The following PID1 variants were observed in gnomAD, a reference collection of about 807,000 sequenced individuals.
PID1 encodes the protein PTB-containing, cubilin and LRP1-interacting protein.
Under a neutral mutation model 19.1 loss-of-function variants are expected in PID1, and 10 were observed. The observed-to-expected ratio is 0.52, with a 90% CI of 0.32 to 0.89. The LOEUF (loss-of-function observed/expected upper bound fraction) is 0.89. PID1 is among the 40% of genes least tolerant of loss of function. The pLI is 0.03. For synonymous variants in PID1, 130 were observed against 116.0 expected, an observed-to-expected ratio of 1.12 and a Z score of -0.78; for missense variants, 248 against 285.3, an observed-to-expected ratio of 0.87 and a Z score of 0.94.
At chr2:229,210,204 G>A (rs533193779) in intron 1 of PID1, among the ~76,000 whole-genome samples, 1 of 151,552 alleles carries the variant, frequency 6.6e-6, no homozygotes. Context: ...AGGAAGCAAG[G>A]AGGTGACACA....
At chr2:229,224,686 A>G (rs1692041224) in intron 1 of PID1, among the ~76,000 whole-genome samples, 1 of 152,174 alleles carries the variant, frequency 6.6e-6, no homozygotes, top group Non-Finnish European at 1.5e-5. Context: ...TAAAACAGAT[A>G]TTAGTACTCC....
chr2:229,122,093 T>G (rs115354501), intron 2 of PID1, among the ~76,000 whole-genome samples: 3,283 of 152,246 alleles, frequency 0.022, 114 homozygotes, highest in African/African-American at 0.075. Flanking sequence ...CATAAACATC[T>G]TAAGAGAATT....
At chr2:229,053,171 G>A (rs981209254) in intron 2 of PID1, among the ~76,000 whole-genome samples, 16 of 152,142 alleles carry the variant, frequency 1.1e-4, no homozygotes, top group Admixed American at 7.8e-4. Context: ...TGTAATACAC[G>A]TGTCATATTT....
rs536450964 is a variant in PID1, at chr2:229,188,888, T to C, written c.31-32924A>G. ...CTCCTTAAATCTCCTTGGTCTTTAG[T>C]AAGCATCTTTTTAAATATCTATATA... On this transcript the variant is annotated intron_variant, in intron 1 of 2. Transcript: ENST00000392055. Among the ~76,000 whole-genome samples, 9 of 152,328 alleles carry C rather than the reference T, an allele frequency of 5.9e-5. No homozygotes were observed. The South Asian group carries it at 1.9e-3, about 32-fold the overall frequency.
intron 1 of PID1, among the ~76,000 whole-genome samples, chr2:229,169,520 T>A (rs1690667360): frequency 6.6e-6 from 1 of 152,184 alleles, no homozygotes; most frequent in African/African-American, 2.4e-5. Context: ...TTTTAATCAG[T>A]TAAAAATTAA....
intron 1 of PID1, among the ~76,000 whole-genome samples, chr2:229,244,662 T>C (rs1009502429): frequency 6.6e-6 from 1 of 152,146 alleles, no homozygotes. Context: ...ATAATGCATT[T>C]ATTACAAACA....
intron 1 of PID1, among the ~76,000 whole-genome samples, chr2:229,259,738 T>C (rs903191634): frequency 6.6e-6 from 1 of 152,234 alleles, no homozygotes; most frequent in Admixed American, 6.5e-5. Flanking sequence ...TAGACTCATA[T>C]GTTAGAATCC....
rs1255422020 is a variant in PID1 at position 229,024,054 on chromosome 2, T to C, written c.*1578A>G. ...TTTATGCTAAAGAATAGCTTACATA[T>C]GTTGTAAAGCAACAAGCATATCTTC... On this transcript the variant is annotated 3_prime_UTR_variant, in exon 3 of 3. Transcript: ENST00000392055. 6.5e-6 allele frequency: 1 copy of C among 152,682 alleles called. No individual in the cohort carries two copies. Among genetic ancestry groups the C allele is most frequent in the African/African-American group, 2.4e-5 (1 of 41,464 alleles). The allele number at this position is 152,682 out of a possible 1,614,324, so 9.5% of individuals were successfully genotyped here.
intron 1 of PID1, among the ~76,000 whole-genome samples, chr2:229,235,653 T>C (rs1197348599): frequency 6.6e-6 from 1 of 152,326 alleles, no homozygotes; most frequent in East Asian, 1.9e-4. Flanking sequence ...CACTGACAAG[T>C]ATTATCGTTG....
chr2:229,146,119 C>T (rs1298144056), intron 2 of PID1, among the ~76,000 whole-genome samples: 2 of 152,140 alleles, frequency 1.3e-5, no homozygotes, highest in African/African-American at 4.8e-5. Context: ...TTTTTTGTGG[C>T]TGCATAGTAT....
chr2:229,147,629 T>A (rs1259948419), intron 2 of PID1, among the ~76,000 whole-genome samples: 2 of 152,142 alleles, frequency 1.3e-5, no homozygotes, highest in African/African-American at 4.8e-5. Context: ...TACAACAAAA[T>A]TTTTGATGAC....
At position 229,025,880 on chromosome 2, in the gene PID1, A is replaced by T. The variant is rs1693405911; in HGVS notation, c.406T>A (p.Cys136Ser). Residue 136 changes from cysteine (C) to serine (S), a missense_variant, in exon 3 of 3, where the codon TGC (cysteine) becomes AGC (serine). By Grantham distance (112) the Cys-to-Ser change is moderately radical. Coordinates refer to ENST00000392055, the MANE Select transcript of PID1 (RefSeq NM_001100818.2). The stretch of plus-strand genomic sequence containing the variant: ...GGGCTCACGTTGTGGTCGGCGGTGC[A>T]GTAGGCGATGCGGGCCACCTGGAAG... ...DTFQVARIAY[C>S]TADHNVSPNI... is the part of the protein sequence containing the mutation. 1 of 1,614,198 alleles carries T rather than the reference A, an allele frequency of 6.2e-7. No individual in the cohort carries two copies. The highest frequency in any genetic ancestry group is 1.3e-5 in the African/African-American group (1 of 75,052).
At position 229,187,132 on chromosome 2, in the gene PID1, AT is replaced by A. The variant is rs376121979; in HGVS notation, c.31-31169del. Among the ~76,000 whole-genome samples, 308 of 152,272 alleles carry A rather than the reference AT, an allele frequency of 2.0e-3. 2 individuals carry two copies. The highest frequency in any genetic ancestry group is 7.0e-3 in the African/African-American group (291 of 41,554). ...CCTTATTGTTCGTATCACTATCCGC[AT>A]TTTTGTCAAAGCCATTCAGCAAACC... On this transcript the variant is annotated intron_variant, in intron 1 of 2. Transcript: ENST00000392055.
At chr2:229,132,052 T>C in intron 2 of PID1, among the ~76,000 whole-genome samples, 1 of 152,174 alleles carries the variant, frequency 6.6e-6, no homozygotes, top group East Asian at 1.9e-4. Flanking sequence ...CTTCTTTGTT[T>C]CCAGGGACTC....
intron 2 of PID1, among the ~76,000 whole-genome samples, chr2:229,145,155 G>GTATATATATATATA (rs5839309): frequency 9.9e-4 from 119 of 119,916 alleles, no homozygotes; most frequent in East Asian, 5.1e-3. Context: ...ATATGTATGT[G>GTATATATATATATA]TATATATATA....
At chr2:229,127,438 C>T (rs563950481) in intron 2 of PID1, among the ~76,000 whole-genome samples, 8 of 152,242 alleles carry the variant, frequency 5.3e-5, no homozygotes, top group African/African-American at 1.9e-4. Flanking sequence ...GCTAGGACAT[C>T]TTGTTTTTGA....
intron 2 of PID1, among the ~76,000 whole-genome samples, chr2:229,036,211 C>T (rs1693659475): frequency 6.6e-6 from 1 of 152,114 alleles, no homozygotes. Flanking sequence ...GCAGTTGAAA[C>T]CCTCAGAAGG....
intron 2 of PID1, among the ~76,000 whole-genome samples, chr2:229,120,405 C>T (rs942164571): frequency 5.3e-5 from 8 of 151,774 alleles, no homozygotes; most frequent in Admixed American, 3.9e-4. Context: ...ATACATTTAC[C>T]ATTCATTAAG....
At chr2:229,071,063 G>C (rs970411452) in intron 2 of PID1, among the ~76,000 whole-genome samples, 8 of 149,874 alleles carry the variant, frequency 5.3e-5, no homozygotes, top group Admixed American at 4.6e-4. Flanking sequence ...TAATTTTTTG[G>C]TTCACTTTTT....
Sources: gnomAD v4.1 joint callset for allele counts (sites outside exome capture counted in the v4.1 genomes callset) on GRCh38, gnomAD v4.1.1 for gene constraint, MANE v1.5 for transcripts, NCBI Gene and HGNC (gene_info 2026-07-23, HGNC 2026-07-21) for gene names.